CSMD1: variants seen among roughly 807,000 people sequenced by gnomAD.
CSMD1 encodes CUB and sushi domain-containing protein 1.
CSMD1 carries 213 observed loss-of-function variants against 417.5 expected under a neutral mutation model. That is an observed-to-expected ratio of 0.51 (90% confidence interval 0.46 to 0.57). The LOEUF is 0.57. Ranked by LOEUF, CSMD1 falls within the 20% of genes least tolerant of loss-of-function variation. The pLI, the probability that CSMD1 is intolerant of heterozygous loss-of-function variation, is 0.00. For missense variants in CSMD1, 6,923 were observed against 4,529.7 expected (o/e 1.53, Z -15.17); for synonymous variants, 2,862 against 1,736.8 (o/e 1.65, Z -16.11).
chr8:3,772,471 A>ATT (rs1798647510), intron 5 of CSMD1, among the ~76,000 whole-genome samples: 2 of 40,674 alleles, frequency 4.9e-5, no homozygotes, highest in Non-Finnish European at 9.7e-5. Context: ...ATATATACAC[A>ATT]TATATATACA....
At chr8:4,561,229 T>C (rs1350035912) in intron 2 of CSMD1, among the ~76,000 whole-genome samples, 4 of 151,888 alleles carry the variant, frequency 2.6e-5, no homozygotes, top group African/African-American at 9.7e-5. Flanking sequence ...AAACAAACAG[T>C]CAGGCGTGGT....
intron 8 of CSMD1, among the ~76,000 whole-genome samples, chr8:3,611,762 G>C (rs1017633468): frequency 6.6e-6 from 1 of 151,960 alleles, no homozygotes; most frequent in Non-Finnish European, 1.5e-5. Context: ...ATAAATATTT[G>C]AAAGAACTCA....
intron 10 of CSMD1, among the ~76,000 whole-genome samples, chr8:3,573,952 T>C (rs543504061): frequency 1.3e-5 from 2 of 152,114 alleles, no homozygotes; most frequent in African/African-American, 2.4e-5. Flanking sequence ...AGCATCTATA[T>C]TGAACTTAAA....
chr8:4,541,654 G>C (rs778853152), intron 2 of CSMD1, among the ~76,000 whole-genome samples: 2 of 152,074 alleles, frequency 1.3e-5, no homozygotes, highest in African/African-American at 4.8e-5. Context: ...AGGCTGACTT[G>C]AACCAAGGAG....
chr8:4,069,249 G>T (rs1429041830), intron 3 of CSMD1, among the ~76,000 whole-genome samples: 1 of 151,948 alleles, frequency 6.6e-6, no homozygotes, highest in African/African-American at 2.4e-5. Context: ...CAAAAATTTT[G>T]GTAAAGATTA....
chr8:4,170,986 G>A (rs1448761710), intron 3 of CSMD1, among the ~76,000 whole-genome samples: 1 of 151,904 alleles, frequency 6.6e-6, no homozygotes, highest in Non-Finnish European at 1.5e-5. Flanking sequence ...AACTGAGACT[G>A]TAAGTTCACA....
chr8:3,351,306 T>C (rs1585039276), intron 21 of CSMD1, among the ~76,000 whole-genome samples: 1 of 146,314 alleles, frequency 6.8e-6, no homozygotes, highest in African/African-American at 2.8e-5. Flanking sequence ...AAGTATTAAA[T>C]TGCTATGAAA....
intron 2 of CSMD1, among the ~76,000 whole-genome samples, chr8:4,443,180 G>A (rs1403615653): frequency 1.3e-5 from 2 of 152,128 alleles, no homozygotes; most frequent in African/African-American, 2.4e-5. Context: ...TTCTTACAGT[G>A]ATATATTACT....
chr8:3,833,737 C>T (rs765807824), intron 5 of CSMD1, among the ~76,000 whole-genome samples: 2 of 152,078 alleles, frequency 1.3e-5, no homozygotes, highest in African/African-American at 4.8e-5. Flanking sequence ...TTGGCACTTA[C>T]ATGGATAATT....
intron 18 of CSMD1, among the ~76,000 whole-genome samples, chr8:3,385,037 AT>A (rs1184842542): frequency 1.7e-5 from 2 of 119,578 alleles, no homozygotes; most frequent in African/African-American, 3.3e-5. Context: ...TATAATATAT[AT>A]AATATATAAA....
chr8:3,927,523 G>A (rs949751387), intron 5 of CSMD1, among the ~76,000 whole-genome samples: 2 of 150,218 alleles, frequency 1.3e-5, no homozygotes, highest in East Asian at 1.9e-4. Context: ...AAATTAGCCA[G>A]CCGTGGTGGT....
rs1504775 is a variant in CSMD1 at position 4,239,422 on chromosome 8, G to T, written c.415+180531C>A. On this transcript the variant is annotated intron_variant, in intron 3 of 69. Coordinates refer to ENST00000635120, the MANE Select transcript of CSMD1 (RefSeq NM_033225.6). Reference sequence around the variant, plus strand: ...ATCTAACTGTGATTCATCTTAACTCGTCTTTCTCCTGGAGGCTGGGTCCTG... The same window carrying T: ...ATCTAACTGTGATTCATCTTAACTCTTCTTTCTCCTGGAGGCTGGGTCCTG... Among the ~76,000 whole-genome samples the T allele has an allele frequency of 4.9e-4, 75 of 152,240 alleles. 1 individual carries two copies. In the East Asian group the frequency reaches 0.013, roughly 27 times the overall value.
At chr8:3,484,752 C>G (rs959101097) in intron 11 of CSMD1, among the ~76,000 whole-genome samples, 10 of 152,172 alleles carry the variant, frequency 6.6e-5, no homozygotes, top group Admixed American at 5.2e-4. Context: ...GAAACATCCG[C>G]TTAGAAAATG....
chr8:3,176,338 C>G (rs768547090), intron 37 of CSMD1, among the ~76,000 whole-genome samples: 15 of 151,436 alleles, frequency 9.9e-5, no homozygotes, highest in Admixed American at 3.3e-4. Context: ...CTGTGAACAT[C>G]TCTGAATGTT....
rs149186373 is a variant in CSMD1 at position 3,282,212 on chromosome 8, C to T, written c.4153+1932G>A. Among the ~76,000 whole-genome samples, 254 of 152,160 alleles carry T rather than the reference C, an allele frequency of 1.7e-3. 2 individuals carry two copies. The highest frequency in any genetic ancestry group is 5.6e-3 in the African/African-American group (232 of 41,522). On this transcript the variant is annotated intron_variant, in intron 26 of 69. Coordinates refer to ENST00000635120, the MANE Select transcript of CSMD1 (RefSeq NM_033225.6). ...TGAACCCGGAGAAAACTGTGGATAT[C>T]GGCTGATAATGATGGGTCAGTGTAG...
chr8:3,760,891 A>C (rs557447192), intron 5 of CSMD1, among the ~76,000 whole-genome samples: 2 of 152,316 alleles, frequency 1.3e-5, no homozygotes, highest in African/African-American at 4.8e-5. Flanking sequence ...AAATTTAATA[A>C]ACCTATTACT....
At chr8:3,744,843 G>C (rs1796990070) in intron 6 of CSMD1, among the ~76,000 whole-genome samples, 1 of 152,176 alleles carries the variant, frequency 6.6e-6, no homozygotes, top group Non-Finnish European at 1.5e-5. Flanking sequence ...TGAACATTAA[G>C]TCTGATAAAT....
rs974749302 is a variant in CSMD1, at chr8:4,832,956, C to G, written c.85+161376G>C. Among the ~76,000 whole-genome samples, 4 of 152,252 alleles carry G rather than the reference C, an allele frequency of 2.6e-5. 1 individual carries two copies. In the South Asian group the frequency reaches 8.3e-4, roughly 32 times the overall value. On this transcript the variant is annotated intron_variant, in intron 1 of 69. Transcript: ENST00000635120. ...TCTAAAAGCTCTTGTCTGATTTCAT[C>G]AAGGAAATTCCTGGCCTGCCCTGGG...
intron 7 of CSMD1, among the ~76,000 whole-genome samples, chr8:3,678,722 A>G (rs1327325941): frequency 6.6e-6 from 1 of 152,152 alleles, no homozygotes; most frequent in Non-Finnish European, 1.5e-5. Flanking sequence ...AGCAACTCCA[A>G]GACACATAAT....
Sources: gnomAD v4.1 joint callset for allele counts (sites outside exome capture counted in the v4.1 genomes callset) on GRCh38, gnomAD v4.1.1 for gene constraint, MANE v1.5 for transcripts, NCBI Gene and HGNC (gene_info 2026-07-23, HGNC 2026-07-21) for gene names.